PDE9A: variants seen among roughly 807,000 people sequenced by gnomAD.
PDE9A encodes the protein phosphodiesterase 9A, also known as high affinity cGMP-specific 3',5'-cyclic phosphodiesterase 9A.
PDE9A carries 60 observed loss-of-function variants against 87.4 expected under a neutral mutation model. The observed-to-expected ratio is 0.69, with a 90% CI of 0.56 to 0.85. The LOEUF (loss-of-function observed/expected upper bound fraction) is 0.85, where lower values mean the gene tolerates loss of function less well. Among genes scored for constraint, PDE9A ranks in the 40% least tolerant of loss-of-function variants. PDE9A has a pLI of 0.00. For synonymous variants in PDE9A, 272 were observed against 279.4 expected, an observed-to-expected ratio of 0.97 and a Z score of 0.27; for missense variants, 665 against 779.0, an observed-to-expected ratio of 0.85 and a Z score of 1.74.
At chr21:42,671,537 G>A (rs2058562407) in intron 1 of PDE9A, among the ~76,000 whole-genome samples, 1 of 151,500 alleles carries the variant, frequency 6.6e-6, no homozygotes, top group South Asian at 2.1e-4. Context: ...CTAAAAACAA[G>A]AGACCAAACA....
Position 42,726,605 on chromosome 21 carries a change from TATATATATATATATA to T in PDE9A, c.263-5164_263-5150del, listed in dbSNP as rs1257352889. On this transcript the variant is annotated intron_variant, in intron 4 of 19. Coordinates refer to ENST00000291539, the MANE Select transcript of PDE9A (RefSeq NM_002606.3). ...CACCACGCCTGGCCATATATATATA[TATATATATATATATA>T]TATATTTTTTTTTTTTTTTTTGTAG... Among the ~76,000 whole-genome samples, 39 of 17,034 alleles carry T rather than the reference TATATATATATATATA, an allele frequency of 2.3e-3. 1 individual carries two copies. Among genetic ancestry groups the T allele is most frequent in the African/African-American group, 0.017 (39 of 2,266 alleles). 11.2% of individuals were successfully genotyped at this position (17,034 alleles called of 152,430 possible).
chr21:42,773,072 G>C (rs1602616429), intron 19 of PDE9A, among the ~76,000 whole-genome samples: 1 of 149,724 alleles, frequency 6.7e-6, no homozygotes, highest in Non-Finnish European at 1.5e-5. Context: ...ACCCAGCTTG[G>C]CCAACATGGT....
At chr21:42,669,344 T>C (rs1312721287) in intron 1 of PDE9A, among the ~76,000 whole-genome samples, 4 of 152,172 alleles carry the variant, frequency 2.6e-5, no homozygotes, top group Non-Finnish European at 5.9e-5. Context: ...CTGTTTGTTG[T>C]TGACATCCCC....
intron 16 of PDE9A, chr21:42,768,749 G>A (rs1262542979): frequency 7.1e-6 from 7 of 985,258 alleles, no homozygotes; most frequent in East Asian, 2.3e-4. Flanking sequence ...AGGAGAAGTC[G>A]GGAGGCTTTC....
intron 1 of PDE9A, among the ~76,000 whole-genome samples, chr21:42,677,302 A>G (rs2146051384): frequency 6.6e-6 from 1 of 152,406 alleles, no homozygotes; most frequent in East Asian, 1.9e-4. Flanking sequence ...CAGCAAGACA[A>G]TGAACATAAT....
Position 42,751,144 on chromosome 21 carries a change from T to C in PDE9A, c.682T>C (p.Leu228=), listed in dbSNP as rs1207447680. The part of the protein sequence containing the change: ...RTNCPCKYSF[L]DNHKKLTPRR... ...CAACTGCCCCTGTAAGTACAGTTTT[T>C]TGGATAACCACAAGAAGTTGACTCC... The change falls in exon 9 of 20, where the codon TTG becomes CTG. Residue 228 remains leucine (L), a synonymous_variant. Coordinates refer to ENST00000291539, the MANE Select transcript of PDE9A (RefSeq NM_002606.3). 1 of 1,612,992 alleles carries C rather than the reference T, an allele frequency of 6.2e-7. No individual in the cohort carries two copies.
At chr21:42,769,254 CAG>C in intron 17 of PDE9A, 99 bp downstream of exon 17, 1 of 1,137,784 alleles carries the variant, frequency 8.8e-7, no homozygotes. Context: ...CAGGTACACA[CAG>C]ACACACACTC....
chr21:42,691,116 C>T (rs2059806786), intron 3 of PDE9A, among the ~76,000 whole-genome samples: 1 of 151,702 alleles, frequency 6.6e-6, no homozygotes, highest in Non-Finnish European at 1.5e-5. Context: ...CCAAAGTCAC[C>T]CAGACCTATC....
intron 8 of PDE9A, among the ~76,000 whole-genome samples, chr21:42,749,808 A>AGCAGACTGACTTTGGT (rs947246452): frequency 6.6e-6 from 1 of 152,276 alleles, no homozygotes; most frequent in Admixed American, 6.5e-5. Context: ...AGCAGGTTGC[A>AGCAGACTGACTTTGGT]GCAGACTGAC....
In PDE9A at chr21:42,760,317, GCCTCC is replaced by G. The variant is rs767332549; in HGVS notation, c.898-9_898-5del. 1.3e-6 allele frequency: 2 copies of G among 1,561,000 alleles called. No individual in the cohort carries two copies. Among genetic ancestry groups the G allele is most frequent in the South Asian group, 2.2e-5 (2 of 90,494 alleles). Reference sequence around the variant, plus strand: ...AGGCACAGGGTGACTCGGACCCCCTGCCTCCCGCAGTTCTGCGTCCACGACAACTA... The same window carrying G: ...AGGCACAGGGTGACTCGGACCCCCTGCGCAGTTCTGCGTCCACGACAACTA... On this transcript the variant is annotated splice_region_variant and splice_polypyrimidine_tract_variant and intron_variant, in intron 11 of 19. Transcript: ENST00000291539. This position sits in a 1 kb window ranked among gnomAD's most constrained non-coding sequence, Gnocchi z 5.2.
chr21:42,690,812 C>T (rs552092643), intron 3 of PDE9A, among the ~76,000 whole-genome samples: 2 of 152,250 alleles, frequency 1.3e-5, no homozygotes, highest in East Asian at 3.9e-4. Flanking sequence ...ACCCCTGTAC[C>T]CACGCCCGCA....
chr21:42,688,784 A>C (rs980974289), intron 3 of PDE9A, among the ~76,000 whole-genome samples: 3 of 152,198 alleles, frequency 2.0e-5, no homozygotes, highest in Non-Finnish European at 4.4e-5. Flanking sequence ...GCGATGGTAC[A>C]CTTGTCAATC....
At chr21:42,744,823 G>C (rs1005129677) in intron 8 of PDE9A, among the ~76,000 whole-genome samples, 6 of 152,192 alleles carry the variant, frequency 3.9e-5, no homozygotes, top group Non-Finnish European at 7.3e-5. Context: ...AAGAGACGGC[G>C]GTGATGATGA....
chr21:42,697,425 A>G (rs2060203160), intron 3 of PDE9A: 8 of 1,610,086 alleles, frequency 5.0e-6, no homozygotes, highest in Non-Finnish European at 6.8e-6. Flanking sequence ...GAATGAGCTC[A>G]TTCTCTATAC....
chr21:42,766,699 G>A (rs531694658), intron 15 of PDE9A, among the ~76,000 whole-genome samples: 4 of 152,324 alleles, frequency 2.6e-5, no homozygotes, highest in South Asian at 2.1e-4. Flanking sequence ...TCCCTAAGAG[G>A]GAAACAGTCA....
chr21:42,670,603 ACT>A (rs1354821842), intron 1 of PDE9A, among the ~76,000 whole-genome samples: 3 of 151,124 alleles, frequency 2.0e-5, no homozygotes, highest in Non-Finnish European at 4.4e-5. Flanking sequence ...TTACACATGC[ACT>A]CACACACTAT....
intron 7 of PDE9A, among the ~76,000 whole-genome samples, chr21:42,742,619 A>G: frequency 6.6e-6 from 1 of 151,770 alleles, no homozygotes; most frequent in East Asian, 1.9e-4. Flanking sequence ...GCACTGGCAC[A>G]CCATGCCCGG....
chr21:42,766,454 GTTTAAAA>G (rs763475651), intron 15 of PDE9A, among the ~76,000 whole-genome samples: 9 of 152,190 alleles, frequency 5.9e-5, no homozygotes, highest in Non-Finnish European at 1.2e-4. Flanking sequence ...TTGATTATCT[GTTTAAAA>G]TCAATAGCAT....
intron 3 of PDE9A, chr21:42,689,654 C>T: frequency 1.0e-6 from 1 of 985,454 alleles, no homozygotes; most frequent in South Asian, 4.7e-5. Context: ...AGAAGCCCAC[C>T]TTGACCCTTC....
Sources: allele counts gnomAD v4.1 joint callset (sites outside exome capture counted in the v4.1 genomes callset), GRCh38; gene constraint gnomAD v4.1.1; non-coding constraint Gnocchi (gnomAD v3.1); transcripts MANE v1.5; gene names NCBI Gene and HGNC (gene_info 2026-07-23, HGNC 2026-07-21).